ZNF609: variants seen among roughly 807,000 people sequenced by gnomAD.
ZNF609 encodes the protein zinc finger protein 609.
A neutral mutation model predicts 109.5 loss-of-function variants in ZNF609; 11 were observed. The observed-to-expected ratio is 0.10, with a 90% CI of 0.06 to 0.17. The LOEUF is 0.17. Among genes scored for constraint, ZNF609 ranks in the 10% least tolerant of loss-of-function variants. The pLI is 1.00. For synonymous variants in ZNF609, 646 were observed against 662.0 expected, an observed-to-expected ratio of 0.98 and a Z score of 0.37; for missense variants, 1,559 against 1,772.4, an observed-to-expected ratio of 0.88 and a Z score of 2.16.
At chr15:64,580,624 C>T (rs942776226) in intron 2 of ZNF609, among the ~76,000 whole-genome samples, 8 of 151,728 alleles carry the variant, frequency 5.3e-5, no homozygotes, top group South Asian at 2.1e-4. Context: ...AGTCTGCAAC[C>T]TCTGCCTCCT....
At chr15:64,542,340 A>T (rs535268871) in intron 2 of ZNF609, among the ~76,000 whole-genome samples, 123 of 152,266 alleles carry the variant, frequency 8.1e-4, no homozygotes, top group African/African-American at 2.6e-3. Flanking sequence ...ATTATTTTTC[A>T]AGTAGTTAAT....
intron 3 of ZNF609, among the ~76,000 whole-genome samples, chr15:64,644,434 G>A (rs1329504946): frequency 6.6e-6 from 1 of 152,186 alleles, no homozygotes; most frequent in Non-Finnish European, 1.5e-5. Context: ...GTTACAGTGA[G>A]CTATGATCAC....
chr15:64,522,648 A>G (rs553874071), intron 2 of ZNF609, among the ~76,000 whole-genome samples: 5 of 152,192 alleles, frequency 3.3e-5, no homozygotes, highest in African/African-American at 4.8e-5. Context: ...TAGTTTTGCA[A>G]TTTTTAAAGA....
chr15:64,529,538 A>G lies in ZNF609; in HGVS notation c.747+29372A>G, dbSNP rs1053777571. Reference sequence around the variant, plus strand: ...TGTGTAGAATCATACAGGAACATGTAGACCATGTAGTTGAGGTCAATGAAG... The same window carrying G: ...TGTGTAGAATCATACAGGAACATGTGGACCATGTAGTTGAGGTCAATGAAG... On this transcript the variant is annotated intron_variant, in intron 2 of 9. Coordinates refer to ENST00000326648, the MANE Select transcript of ZNF609 (RefSeq NM_015042.2). The G allele has an allele frequency of 2.7e-5, 33 of 1,242,392 alleles. No homozygotes were observed. The African/African-American group carries it at 4.1e-4, about 16-fold the overall frequency. The allele number at this position is 1,242,392 out of a possible 1,614,324, so 77.0% of individuals were successfully genotyped here.
intron 1 of ZNF609, among the ~76,000 whole-genome samples, chr15:64,473,504 T>C (rs1893122578): frequency 6.6e-6 from 1 of 151,396 alleles, no homozygotes; most frequent in East Asian, 2.0e-4. Context: ...GCCTCATATT[T>C]GGTTCTTTTT....
intron 3 of ZNF609, among the ~76,000 whole-genome samples, chr15:64,644,981 T>TTTTTTC (rs1896309504): frequency 7.2e-6 from 1 of 139,580 alleles, no homozygotes; most frequent in Admixed American, 7.0e-5. Context: ...CTTTCTTTCT[T>TTTTTTC]TTTCTTTCTT....
intron 3 of ZNF609, among the ~76,000 whole-genome samples, chr15:64,669,968 A>G (rs930977002): frequency 1.3e-4 from 20 of 151,924 alleles, no homozygotes; most frequent in Admixed American, 1.2e-3. Flanking sequence ...ACTCCCGGCC[A>G]AAAAAAAATT....
intron 2 of ZNF609, among the ~76,000 whole-genome samples, chr15:64,605,759 AGT>A (rs548275731): frequency 3.2e-4 from 45 of 139,312 alleles, no homozygotes; most frequent in African/African-American, 8.4e-4. Flanking sequence ...TTTGAGACGG[AGT>A]CTCGCTCTGT....
At chr15:64,542,832 G>T (rs1000364451) in intron 2 of ZNF609, among the ~76,000 whole-genome samples, 2 of 152,156 alleles carry the variant, frequency 1.3e-5, no homozygotes, top group African/African-American at 4.8e-5. Context: ...TGGTCCCCTG[G>T]CTTCTGGTCT....
chr15:64,622,957 A>G lies in ZNF609; in HGVS notation c.878A>G (p.Asp293Gly). The G allele has an allele frequency of 6.2e-7, 1 of 1,614,222 alleles. No individual in the cohort carries two copies. The highest frequency in any genetic ancestry group is 2.2e-5 in the East Asian group (1 of 44,882). Residue 293 changes from aspartate (D) to glycine (G), a missense_variant, in exon 3 of 10, where the codon GAT (aspartate) becomes GGT (glycine). Asp to Gly is a moderately conservative substitution (Grantham distance 94). Coordinates refer to ENST00000326648, the MANE Select transcript of ZNF609 (RefSeq NM_015042.2). ...RTRSVGVNTC[D>G]VALATEPECL... ...CGATCAGTTGGGGTCAACACATGTGATGTGGCTCTGGCCACAGAGCCTGAG... is the reference window on the plus strand; with the variant it reads ...CGATCAGTTGGGGTCAACACATGTGGTGTGGCTCTGGCCACAGAGCCTGAG...
chr15:64,584,145 C>T (rs1052328932), intron 2 of ZNF609, among the ~76,000 whole-genome samples: 4 of 152,114 alleles, frequency 2.6e-5, no homozygotes, highest in African/African-American at 4.8e-5. Context: ...AACTAACCCT[C>T]AGTTGTACAG....
intron 6 of ZNF609, 61 bp downstream of exon 6, chr15:64,678,543 C>G: frequency 6.6e-7 from 1 of 1,515,748 alleles, no homozygotes; most frequent in Non-Finnish European, 8.8e-7. Context: ...GCACAGATTT[C>G]ACATCCAGAG....
intron 1 of ZNF609, 23 bp from the exon 2 acceptor site, chr15:64,499,270 C>A: frequency 9.4e-7 from 1 of 1,062,130 alleles, no homozygotes; most frequent in Non-Finnish European, 1.3e-6. Context: ...CTTTTAACAG[C>A]TTTTTAAATT....
At chr15:64,471,428 G>A (rs1893090065) in intron 1 of ZNF609, 1 of 151,786 alleles carries the variant, frequency 6.6e-6, no homozygotes. Context: ...GTTTGTTTTG[G>A]ATCATTAAAA....
chr15:64,488,614 T>A (rs924212251), intron 1 of ZNF609, among the ~76,000 whole-genome samples: 1 of 152,208 alleles, frequency 6.6e-6, no homozygotes, highest in African/African-American at 2.4e-5. Flanking sequence ...TTATTTATAT[T>A]TTTTGATAAG....
chr15:64,540,524 C>T (rs1376583568), intron 2 of ZNF609, among the ~76,000 whole-genome samples: 1 of 151,906 alleles, frequency 6.6e-6, no homozygotes, highest in Non-Finnish European at 1.5e-5. Context: ...CCTGCTTTAG[C>T]CTCCCAAGTA....
chr15:64,638,203 G>A (rs527363519), intron 3 of ZNF609, among the ~76,000 whole-genome samples: 7 of 151,642 alleles, frequency 4.6e-5, no homozygotes, highest in South Asian at 2.1e-4. Context: ...CACATTTGTC[G>A]TAAACCAGTT....
intron 2 of ZNF609, among the ~76,000 whole-genome samples, chr15:64,577,001 T>TATAC (rs1227560422): frequency 8.0e-6 from 1 of 124,716 alleles, no homozygotes; most frequent in East Asian, 2.0e-4. Context: ...CACATAAATA[T>TATAC]ATATATGTAT....
chr15:64,602,656 C>T (rs1421917713), intron 2 of ZNF609, among the ~76,000 whole-genome samples: 1 of 151,656 alleles, frequency 6.6e-6, no homozygotes, highest in Non-Finnish European at 1.5e-5. Context: ...GCTGTCTTAC[C>T]CAGCAAGCTC....
Sources: gnomAD v4.1 joint callset for allele counts (sites outside exome capture counted in the v4.1 genomes callset) on GRCh38, gnomAD v4.1.1 for gene constraint, MANE v1.5 for transcripts, NCBI Gene and HGNC (gene_info 2026-07-23, HGNC 2026-07-21) for gene names.